The following SELENOT variants were observed in gnomAD, a reference collection of about 807,000 sequenced individuals.
SELENOT encodes the protein thioredoxin reductase-like selenoprotein T.
Under a neutral mutation model 24.3 loss-of-function variants are expected in SELENOT, and 9 were observed. The ratio of observed to expected loss-of-function variants is 0.37; its 90% CI spans 0.22 to 0.65. The LOEUF (loss-of-function observed/expected upper bound fraction) is 0.65, where lower values mean the gene tolerates loss of function less well. SELENOT is among the 30% of genes least tolerant of loss of function. The pLI is 0.60. For missense variants in SELENOT, 166 were observed against 247.6 expected, an observed-to-expected ratio of 0.67 and a Z score of 2.21; for synonymous variants, 81 against 86.0, an observed-to-expected ratio of 0.94 and a Z score of 0.32.
At chr3:150,611,805 G>T in intron 1 of SELENOT, 3 of 1,020,104 alleles carry the variant, frequency 2.9e-6, no homozygotes, top group Non-Finnish European at 4.3e-6. Context: ...CCGATTTCCC[G>T]GACGAGGCAC....
At chr3:150,625,926 G>A (rs372217663) in intron 4 of SELENOT, among the ~76,000 whole-genome samples, 5 of 148,254 alleles carry the variant, frequency 3.4e-5, no homozygotes, top group East Asian at 2.0e-4. Context: ...CTGGAGTGCC[G>A]TGGCGCGATC....
chr3:150,608,439 T>G (rs1726017954), intron 1 of SELENOT, among the ~76,000 whole-genome samples: 2 of 152,166 alleles, frequency 1.3e-5, no homozygotes, highest in Admixed American at 1.3e-4. Context: ...TCCTGTGGCT[T>G]TTTTTGTTTG....
chr3:150,622,043 C>CT, intron 1 of SELENOT, among the ~76,000 whole-genome samples: 1 of 151,630 alleles, frequency 6.6e-6, no homozygotes, highest in East Asian at 1.9e-4. Context: ...TGTGAGAGCT[C>CT]AAAGTATGCT....
rs145152132 is a variant in SELENOT at position 150,607,220 on chromosome 3, T to A, written c.137+3721T>A. Among the ~76,000 whole-genome samples the A allele has an allele frequency of 4.4e-3, 663 of 152,326 alleles. 6 individuals carry two copies. Among genetic ancestry groups the A allele is most frequent in the African/African-American group, 0.015 (631 of 41,576 alleles). ...CTGCTGTAATTTTAGGACAGCCAAC[T>A]TCTAAATGTAGTTTTAAGAGGTAAA... On this transcript the variant is annotated intron_variant, in intron 1 of 5. Transcript: ENST00000471696.
rs932766878 is a variant in SELENOT, at chr3:150,630,341, TAA to T, written c.*2718_*2719del. Reference sequence around the variant, plus strand: ...GTGTGGTATTCTAAAGCCTTTTTTTTAAAAAAAGAGATCTTTTTGAGAGAAAC... The same window carrying T: ...GTGTGGTATTCTAAAGCCTTTTTTTTAAAAAGAGATCTTTTTGAGAGAAAC... On this transcript the variant is annotated 3_prime_UTR_variant, in exon 6 of 6. Transcript: ENST00000471696. 1.3e-5 allele frequency: 2 copies of T among 152,098 alleles called. No individual in the cohort carries two copies. Among genetic ancestry groups the T allele is most frequent in the Non-Finnish European group, 2.9e-5 (2 of 68,010 alleles). The allele number at this position is 152,098 out of a possible 1,614,324, so 9.4% of individuals were successfully genotyped here. A position where few individuals can be genotyped will look rare whatever the true frequency, so the allele number is the denominator to read the frequency against.
At chr3:150,605,578 A>G (rs1725945301) in intron 1 of SELENOT, among the ~76,000 whole-genome samples, 2 of 152,184 alleles carry the variant, frequency 1.3e-5, no homozygotes, top group South Asian at 4.1e-4. Flanking sequence ...TATAACAAAA[A>G]TGCTTCCATT....
Position 150,603,330 on chromosome 3 carries a change from C to A in SELENOT, c.-33C>A. ...GGGCTTTGGGCTGGCTGCAGTCTGT[C>A]TGAGGGCGGCCGAAGTGGCTGGCTC... is the stretch of plus-strand genomic sequence containing the variant. On this transcript the variant is annotated 5_prime_UTR_variant, in exon 1 of 6. The change creates a new upstream start codon in the 5' untranslated region. Coordinates refer to ENST00000471696, the MANE Select transcript of SELENOT (RefSeq NM_016275.5). 2 of 1,602,810 alleles carry A rather than the reference C, an allele frequency of 1.2e-6. No individual in the cohort carries two copies. Among genetic ancestry groups the A allele is most frequent in the Admixed American group, 1.7e-5 (1 of 59,486 alleles).
At chr3:150,620,731 A>G (rs1290876215) in intron 1 of SELENOT, among the ~76,000 whole-genome samples, 2 of 152,168 alleles carry the variant, frequency 1.3e-5, no homozygotes, top group Non-Finnish European at 2.9e-5. Flanking sequence ...TAGATAATCA[A>G]CTCCATTGTA....
chr3:150,617,666 T>A (rs1726246341), intron 1 of SELENOT, among the ~76,000 whole-genome samples: 1 of 152,156 alleles, frequency 6.6e-6, no homozygotes, highest in Non-Finnish European at 1.5e-5. Context: ...TGGTAGACAC[T>A]GTAATGCTCT....
intron 1 of SELENOT, among the ~76,000 whole-genome samples, chr3:150,611,017 G>A (rs1726076328): frequency 6.6e-6 from 1 of 151,806 alleles, no homozygotes; most frequent in African/African-American, 2.4e-5. Flanking sequence ...GTGTGTGTGT[G>A]TGTGTGTGTG....
At chr3:150,619,715 G>C (rs933648717) in intron 1 of SELENOT, among the ~76,000 whole-genome samples, 1 of 152,150 alleles carries the variant, frequency 6.6e-6, no homozygotes, top group African/African-American at 2.4e-5. Flanking sequence ...TGAAAGAAAT[G>C]GGTGAGATGG....
In SELENOT at chr3:150,629,010, T is replaced by C. The variant is rs1206862298; in HGVS notation, c.*1381T>C. 6.6e-6 allele frequency: 1 copy of C among 152,216 alleles called. No homozygotes were observed. Among genetic ancestry groups the C allele is most frequent in the Non-Finnish European group, 1.5e-5 (1 of 68,032 alleles). 9.4% of individuals were successfully genotyped at this position (152,216 alleles called of 1,614,324 possible). ...CATCCCAAATCTGAAATCTGAAATG[T>C]TCCATGAGCATTTCCTTTGAGTGTC... On this transcript the variant is annotated 3_prime_UTR_variant, in exon 6 of 6. Transcript: ENST00000471696.
At chr3:150,617,367 G>A (rs1185410987) in intron 1 of SELENOT, among the ~76,000 whole-genome samples, 5 of 152,170 alleles carry the variant, frequency 3.3e-5, no homozygotes, top group African/African-American at 7.2e-5. Flanking sequence ...TTGGGAGGCC[G>A]AAGCGGGAGG....
chr3:150,611,918 A>C (rs761067108), intron 1 of SELENOT: 6 of 967,922 alleles, frequency 6.2e-6, no homozygotes, highest in Admixed American at 3.0e-5. Context: ...AGAAATCCCC[A>C]CTCTCCTGGC....
chr3:150,622,174 CT>C (rs1465886479), intron 1 of SELENOT, among the ~76,000 whole-genome samples: 1 of 150,778 alleles, frequency 6.6e-6, no homozygotes, highest in Non-Finnish European at 1.5e-5. Flanking sequence ...AGTTTAATGT[CT>C]TAATGGAAGG....
chr3:150,625,674 T>A (rs1215142771), intron 4 of SELENOT, among the ~76,000 whole-genome samples: 1 of 152,180 alleles, frequency 6.6e-6, no homozygotes, highest in African/African-American at 2.4e-5. Context: ...ACATGGAAAC[T>A]ATATGAAATT....
chr3:150,615,620 T>C (rs1249210340), intron 1 of SELENOT, among the ~76,000 whole-genome samples: 10 of 152,134 alleles, frequency 6.6e-5, no homozygotes, highest in African/African-American at 1.7e-4. Flanking sequence ...GAGAATAAAA[T>C]ACCTAGGAAT....
chr3:150,622,532 A>G (rs1472811799), intron 2 of SELENOT, 37 bp downstream of exon 2: 2 of 1,050,352 alleles, frequency 1.9e-6, no homozygotes, highest in African/African-American at 1.6e-5. Flanking sequence ...AAAACAATGT[A>G]TTTGACTTTA....
intron 1 of SELENOT, among the ~76,000 whole-genome samples, chr3:150,614,878 A>T (rs1726177248): frequency 6.6e-6 from 1 of 151,302 alleles, no homozygotes; most frequent in Admixed American, 6.6e-5. Flanking sequence ...TTTTATTATT[A>T]TTATACTTTA....
Sources: gnomAD v4.1 joint callset for allele counts (sites outside exome capture counted in the v4.1 genomes callset) on GRCh38, gnomAD v4.1.1 for gene constraint, MANE v1.5 for transcripts, NCBI Gene and HGNC (gene_info 2026-07-23, HGNC 2026-07-21) for gene names.